TET2: variants seen among roughly 807,000 people sequenced by gnomAD.
TET2 encodes methylcytosine dioxygenase TET2.
A neutral mutation model predicts 142.9 loss-of-function variants in TET2; 299 were observed. The ratio of observed to expected loss-of-function variants is 2.09; its 90% CI spans 1.90 to 2.30. TET2 has a LOEUF of 2.30. Ranked by LOEUF, TET2 falls within the 30% of genes most tolerant of loss-of-function variation. The pLI, the probability that TET2 is intolerant of heterozygous loss-of-function variation, is 0.00. For missense variants in TET2, 2,418 were observed against 2,378.0 expected, an observed-to-expected ratio of 1.02 and a Z score of -0.35; for synonymous variants, 819 against 849.0, an observed-to-expected ratio of 0.96 and a Z score of 0.61.
chr4:105,207,639 T>G (rs1380377679), intron 2 of TET2, among the ~76,000 whole-genome samples: 1 of 152,142 alleles, frequency 6.6e-6, no homozygotes, highest in East Asian at 1.9e-4. Flanking sequence ...TGAAAAGAGT[T>G]TAGCGATTTC....
chr4:105,260,542 A>ATT (rs1730374944), intron 7 of TET2, among the ~76,000 whole-genome samples: 1 of 152,126 alleles, frequency 6.6e-6, no homozygotes, highest in African/African-American at 2.4e-5. Flanking sequence ...TATATTTAGC[A>ATT]TTTAGCTATG....
chr4:105,251,221 G>C (rs1452449260), intron 6 of TET2, among the ~76,000 whole-genome samples: 2 of 151,566 alleles, frequency 1.3e-5, no homozygotes, highest in Non-Finnish European at 2.9e-5. Flanking sequence ...AATCTGGGTG[G>C]CTTTATGTTT....
At chr4:105,194,219 G>A (rs1480424757) in intron 2 of TET2, among the ~76,000 whole-genome samples, 2 of 152,110 alleles carry the variant, frequency 1.3e-5, no homozygotes, top group African/African-American at 2.4e-5. Context: ...GCACTCTCTT[G>A]TAGCCATTTT....
intron 8 of TET2, among the ~76,000 whole-genome samples, chr4:105,266,073 C>T (rs1416069282): frequency 1.3e-5 from 2 of 152,096 alleles, no homozygotes; most frequent in Non-Finnish European, 2.9e-5. Flanking sequence ...GAGTATTAAA[C>T]AGCACATGCA....
At chr4:105,215,017 C>T (rs191280367) in intron 2 of TET2, among the ~76,000 whole-genome samples, 3 of 152,018 alleles carry the variant, frequency 2.0e-5, no homozygotes, top group African/African-American at 7.2e-5. Flanking sequence ...GGGAACTGAG[C>T]GTTTAATCTA....
intron 2 of TET2, among the ~76,000 whole-genome samples, chr4:105,200,509 T>C (rs543080142): frequency 2.5e-4 from 38 of 152,284 alleles, no homozygotes; most frequent in Middle Eastern, 3.4e-3. Context: ...GTTTTCTCTG[T>C]TGATAGTTTA....
At chr4:105,178,955 C>G (rs1289397936) in intron 1 of TET2, among the ~76,000 whole-genome samples, 1 of 152,096 alleles carries the variant, frequency 6.6e-6, no homozygotes, top group Non-Finnish European at 1.5e-5. Flanking sequence ...TCTCAGGAAA[C>G]TTAACAGTCA....
At position 105,234,083 on chromosome 4, in the gene TET2, A is replaced by G; in HGVS notation, c.141A>G (p.Glu47=). The G allele has an allele frequency of 6.2e-7, 1 of 1,614,130 alleles. No homozygotes were observed. Among genetic ancestry groups the G allele is most frequent in the Non-Finnish European group, 8.5e-7 (1 of 1,180,012 alleles). Residue 47 remains glutamate, a synonymous_variant, in exon 3 of 11, where the codon GAA becomes GAG. Coordinates refer to ENST00000380013, the MANE Select transcript of TET2 (RefSeq NM_001127208.3). ...CACTGCCTGAGAGAGCTCATCCAGA[A>G]GTAAATGGAGACACCAAGTGGCACT... is the stretch of plus-strand genomic sequence containing the variant. ...GSPLPERAHP[E]VNGDTKWHSF...
intron 1 of TET2, among the ~76,000 whole-genome samples, chr4:105,156,690 A>G (rs1723582044): frequency 6.6e-6 from 1 of 152,218 alleles, no homozygotes; most frequent in Non-Finnish European, 1.5e-5. Flanking sequence ...AAAGCCAGAT[A>G]ACATAGCATG....
rs1204501987 is a variant in TET2, at chr4:105,234,789, G to C, written c.847G>C (p.Glu283Gln). The change falls in exon 3 of 11, where the codon GAG becomes CAG. Residue 283 changes from glutamate to glutamine, a missense_variant. Coordinates refer to ENST00000380013, the MANE Select transcript of TET2 (RefSeq NM_001127208.3). ...QINSAQTSNS[E>Q]LPPKPAAVVS... Reference sequence around the variant, plus strand: ...CAATTCCGCACAGACCTCTAACTCTGAGCTGCCTCCAAAGCCAGCTGCAGT... The same window carrying C: ...CAATTCCGCACAGACCTCTAACTCTCAGCTGCCTCCAAAGCCAGCTGCAGT... 2.5e-6 allele frequency: 4 copies of C among 1,613,786 alleles called. No individual in the cohort carries two copies. The Admixed American group carries it at 6.7e-5, about 27-fold the overall frequency.
At chr4:105,213,697 TTCCTA>T (rs1310611468) in intron 2 of TET2, among the ~76,000 whole-genome samples, 1 of 152,236 alleles carries the variant, frequency 6.6e-6, no homozygotes, top group Non-Finnish European at 1.5e-5. Context: ...ATGACCCACC[TTCCTA>T]TGAGTCTCCA....
At chr4:105,241,938 CTTT>C (rs11284258) in intron 4 of TET2, 899 of 1,153,342 alleles carry the variant, frequency 7.8e-4, no homozygotes, top group African/African-American at 3.9e-3. Context: ...TTACAGCTGC[CTTT>C]TTTTTTTTTT....
intron 1 of TET2, among the ~76,000 whole-genome samples, chr4:105,173,238 G>C (rs1724575124): frequency 6.6e-6 from 1 of 152,036 alleles, no homozygotes; most frequent in South Asian, 2.1e-4. Context: ...ACTCAATCTT[G>C]GTTGGGTGTG....
At position 105,234,952 on chromosome 4, in the gene TET2, A is replaced by C. The variant is rs1728750769; in HGVS notation, c.1010A>C (p.Glu337Ala). 1.9e-6 allele frequency: 3 copies of C among 1,614,022 alleles called. No individual in the cohort carries two copies. The highest frequency in any genetic ancestry group is 2.5e-6 in the Non-Finnish European group (3 of 1,179,968). Residue 337 changes from glutamate to alanine, a missense_variant, in exon 3 of 11, where the codon GAA (glutamate) becomes GCA (alanine). Coordinates refer to ENST00000380013, the MANE Select transcript of TET2 (RefSeq NM_001127208.3). ...SVFEICPSPA[E>A]NNIQGTTKLA... ...TTTGAGATATGCCCATCTCCTGCAG[A>C]AAATAACATCCAGGGAACCACAAAG... is the stretch of plus-strand genomic sequence containing the variant.
chr4:105,177,649 A>T (rs1724877878), intron 1 of TET2: 1 of 152,262 alleles, frequency 6.6e-6, no homozygotes, highest in Admixed American at 6.5e-5. Flanking sequence ...GAGAATGTGG[A>T]GCAACAGGAA....
chr4:105,159,360 A>G (rs1273252508), intron 1 of TET2, among the ~76,000 whole-genome samples: 1 of 148,920 alleles, frequency 6.7e-6, no homozygotes, highest in African/African-American at 2.5e-5. Context: ...GGTTCAAGCG[A>G]TTCTCCAGCC....
rs374816785 is a variant in TET2, at chr4:105,243,703, A to G, written c.3728A>G (p.Lys1243Arg). The G allele has an allele frequency of 4.5e-6, 7 of 1,551,380 alleles. No homozygotes were observed. Among genetic ancestry groups the G allele is most frequent in the African/African-American group, 2.7e-5 (2 of 72,984 alleles). The change falls in exon 6 of 11, where the codon AAA becomes AGA. Residue 1243 changes from lysine to arginine, a missense_variant. Physicochemically the swap from Lys to Arg is conservative, Grantham distance 26 (BLOSUM62 2). Transcript: ENST00000380013. ...WEGIPLSLADKLYSELTETLR... is the reference protein window; with the variant it reads ...WEGIPLSLADRLYSELTETLR... ...GGAATCCCGCTGTCTCTGGCTGACA[A>G]ACTCTACTCGGAGCTTACCGAGACG...
chr4:105,243,603 C>G lies in TET2; in HGVS notation c.3628C>G (p.Leu1210Val), dbSNP rs1392137538. Reference protein sequence around the residue: ...VRRSSSEEKLLCLVRERAGHT... With the variant: ...VRRSSSEEKLVCLVRERAGHT... ...CAGAAGCAGCAGTGAAGAGAAGCTA[C>G]TGTGTTTGGTGCGGGAGCGAGCTGG... Residue 1210 changes from leucine (L) to valine (V), a missense_variant, in exon 6 of 11, where the codon CTG becomes GTG. Leu to Val is a conservative substitution (Grantham distance 32). Coordinates refer to ENST00000380013, the MANE Select transcript of TET2 (RefSeq NM_001127208.3). The G allele has an allele frequency of 6.4e-7, 1 of 1,551,616 alleles. No homozygotes were observed. The highest frequency in any genetic ancestry group is 1.2e-5 in the South Asian group (1 of 84,064).
chr4:105,272,051 T>A (rs997238202), intron 9 of TET2, among the ~76,000 whole-genome samples: 1 of 152,176 alleles, frequency 6.6e-6, no homozygotes, highest in Non-Finnish European at 1.5e-5. Flanking sequence ...CTTATGGAAA[T>A]TTCTTAAACA....
Sources: gnomAD v4.1 joint callset for allele counts (sites outside exome capture counted in the v4.1 genomes callset) on GRCh38, gnomAD v4.1.1 for gene constraint, MANE v1.5 for transcripts, NCBI Gene and HGNC (gene_info 2026-07-23, HGNC 2026-07-21) for gene names.